The following SHANK2 variants were observed in gnomAD, a reference collection of about 807,000 sequenced individuals.
SHANK2 encodes the protein SH3 and multiple ankyrin repeat domains protein 2.
A neutral mutation model predicts 133.7 loss-of-function variants in SHANK2; 43 were observed. The ratio of observed to expected loss-of-function variants is 0.32; its 90% CI spans 0.25 to 0.41. The LOEUF (loss-of-function observed/expected upper bound fraction) is 0.41. Ranked by LOEUF, SHANK2 falls within the 10% of genes least tolerant of loss-of-function variation. The pLI is 1.00. For missense variants in SHANK2, 1,994 were observed against 2,235.8 expected (o/e 0.89, Z 2.18); for synonymous variants, 1,017 against 952.8 (o/e 1.07, Z -1.24).
intron 11 of SHANK2, among the ~76,000 whole-genome samples, chr11:70,848,765 C>T (rs544300195): frequency 3.3e-5 from 5 of 152,196 alleles, no homozygotes; most frequent in Non-Finnish European, 7.3e-5. Flanking sequence ...TGTACCACGT[C>T]CAGTGATGCA....
intron 2 of SHANK2, among the ~76,000 whole-genome samples, chr11:71,166,832 G>A (rs1339185217): frequency 7.5e-5 from 11 of 146,140 alleles, no homozygotes; most frequent in African/African-American, 1.2e-4. Flanking sequence ...GGTGTTTCTC[G>A]CAGAGGGGGA....
chr11:71,227,600 T>G (rs1954661902), intron 1 of SHANK2, among the ~76,000 whole-genome samples: 1 of 151,466 alleles, frequency 6.6e-6, no homozygotes, highest in South Asian at 2.1e-4. Context: ...AAGACATAAA[T>G]CCACACTTAT....
At chr11:70,733,179 A>G (rs1946326252) in intron 14 of SHANK2, among the ~76,000 whole-genome samples, 1 of 151,932 alleles carries the variant, frequency 6.6e-6, no homozygotes, top group African/African-American at 2.4e-5. Flanking sequence ...CGTGGAGAGG[A>G]GGGACTGTCA....
In SHANK2 at chr11:71,188,548, G is replaced by C. The variant is rs574686642; in HGVS notation, c.-13+36149C>G. The stretch of plus-strand genomic sequence containing the variant: ...CACAGGAATACTGAGTAATTGAAAG[G>C]TGGAAATAAACGAGGCCCCATGAAT... On this transcript the variant is annotated intron_variant, in intron 2 of 25. Coordinates refer to ENST00000601538, the MANE Select transcript of SHANK2 (RefSeq NM_012309.5). The surrounding 1 kb of genome is among the most constrained non-coding windows in gnomAD (Gnocchi z 4.6). Among the ~76,000 whole-genome samples the C allele has an allele frequency of 6.6e-6, 1 of 152,366 alleles. No homozygotes were observed. Among genetic ancestry groups the C allele is most frequent in the East Asian group, 1.9e-4 (1 of 5,194 alleles).
chr11:70,803,859 C>T (rs1170568979), intron 13 of SHANK2, among the ~76,000 whole-genome samples: 1 of 151,028 alleles, frequency 6.6e-6, no homozygotes, highest in Non-Finnish European at 1.5e-5. Flanking sequence ...AACATGTACA[C>T]ACCTATTTTT....
intron 12 of SHANK2, among the ~76,000 whole-genome samples, chr11:70,809,480 T>A (rs1228034456): frequency 6.6e-6 from 1 of 152,190 alleles, no homozygotes; most frequent in African/African-American, 2.4e-5. Context: ...GACTCATGTG[T>A]CCCTGATAAT....
intron 17 of SHANK2, among the ~76,000 whole-genome samples, chr11:70,608,410 C>A (rs1408040332): frequency 6.6e-6 from 1 of 152,210 alleles, no homozygotes; most frequent in African/African-American, 2.4e-5. Flanking sequence ...AACTTTTTCT[C>A]TCGAACACCC....
At chr11:71,149,195 C>T (rs9888294) in intron 2 of SHANK2, among the ~76,000 whole-genome samples, 31,244 of 152,164 alleles carry the variant, frequency 0.21, 3,419 homozygotes, top group South Asian at 0.3. Context: ...GAGCTGAAGA[C>T]GATGGAGGAA....
chr11:71,065,465 GT>G, intron 9 of SHANK2, among the ~76,000 whole-genome samples: 1 of 128,636 alleles, frequency 7.8e-6, no homozygotes, highest in South Asian at 2.7e-4. Context: ...GTTGGGGGGT[GT>G]GTGCAGAACT....
chr11:70,883,179 G>A (rs1555072731), intron 11 of SHANK2, among the ~76,000 whole-genome samples: 1 of 152,144 alleles, frequency 6.6e-6, no homozygotes, highest in African/African-American at 2.4e-5. Context: ...CTCCCTAACA[G>A]GGCTGTCATT....
At chr11:70,728,101 G>A (rs1366845537) in intron 14 of SHANK2, among the ~76,000 whole-genome samples, 13 of 152,170 alleles carry the variant, frequency 8.5e-5, no homozygotes, top group African/African-American at 2.4e-4. Context: ...AGGTGTATGC[G>A]GAGCCTACAG....
intron 17 of SHANK2, among the ~76,000 whole-genome samples, chr11:70,530,721 G>A (rs782225689): frequency 2.0e-5 from 3 of 152,072 alleles, no homozygotes; most frequent in East Asian, 1.9e-4. Flanking sequence ...GTGGGTGCCC[G>A]GGGCTGGGAG....
chr11:70,806,956 A>G (rs575580348), intron 13 of SHANK2, 46 bp downstream of exon 13: 2 of 704,340 alleles, frequency 2.8e-6, no homozygotes, highest in South Asian at 1.5e-5. Context: ...GAAGGGCCCC[A>G]GCCTGACCTC....
rs1555112937 is a variant in SHANK2 at position 71,175,414 on chromosome 11, T to C, written c.-12-28076A>G. The stretch of plus-strand genomic sequence containing the variant: ...ACACCGAAGCAGGAAAGTGAGTCTG[T>C]AAAGAGAGCAGGAGGAAGGAAAGAA... On this transcript the variant is annotated intron_variant, in intron 2 of 25. Coordinates refer to ENST00000601538, the MANE Select transcript of SHANK2 (RefSeq NM_012309.5). This position sits in a 1 kb window ranked among gnomAD's most constrained non-coding sequence, Gnocchi z 4.2. Among the ~76,000 whole-genome samples, 2 of 150,580 alleles carry C rather than the reference T, an allele frequency of 1.3e-5. No homozygotes were observed. The highest frequency in any genetic ancestry group is 4.9e-5 in the African/African-American group (2 of 40,796).
chr11:70,905,515 C>A (rs1033467606), intron 10 of SHANK2, among the ~76,000 whole-genome samples: 1 of 152,176 alleles, frequency 6.6e-6, no homozygotes, highest in Admixed American at 6.5e-5. Flanking sequence ...CCTCCGAATT[C>A]ATGTGTTGAA....
At chr11:70,579,508 A>T (rs1554984936) in intron 17 of SHANK2, among the ~76,000 whole-genome samples, 1 of 152,140 alleles carries the variant, frequency 6.6e-6, no homozygotes, top group Non-Finnish European at 1.5e-5. Context: ...ACAGGCATGG[A>T]TGAGGCTGGG....
intron 14 of SHANK2, among the ~76,000 whole-genome samples, chr11:70,797,809 G>C (rs1392166980): frequency 2.1e-5 from 3 of 144,972 alleles, no homozygotes; most frequent in African/African-American, 7.9e-5. Flanking sequence ...GACACTTAAG[G>C]CTTCACTTTT....
chr11:70,608,980 G>T (rs114808299), intron 17 of SHANK2, among the ~76,000 whole-genome samples: 2 of 152,350 alleles, frequency 1.3e-5, no homozygotes, highest in Admixed American at 6.5e-5. Context: ...CTCGCTCCTC[G>T]CTTAGCCATG....
intron 10 of SHANK2, among the ~76,000 whole-genome samples, chr11:70,953,726 A>C (rs182556813): frequency 5.3e-4 from 81 of 152,250 alleles, no homozygotes; most frequent in African/African-American, 1.9e-3. Flanking sequence ...CCACCAACTC[A>C]AATGTCCACC....
Sources: allele counts gnomAD v4.1 joint callset (sites outside exome capture counted in the v4.1 genomes callset), GRCh38; gene constraint gnomAD v4.1.1; non-coding constraint Gnocchi (gnomAD v3.1); transcripts MANE v1.5; gene names NCBI Gene and HGNC (gene_info 2026-07-23, HGNC 2026-07-21).